Variants in WWC2 observed in about 807,000 individuals in gnomAD.
The protein encoded by WWC2 is protein WWC2.
In WWC2, 101 loss-of-function variants were observed where a neutral mutation model predicts 138.5. That is an observed-to-expected ratio of 0.73 (90% confidence interval 0.62 to 0.86). The LOEUF (loss-of-function observed/expected upper bound fraction) is 0.86. Among genes scored for constraint, WWC2 ranks in the 40% least tolerant of loss-of-function variants. The pLI, the probability that WWC2 is intolerant of heterozygous loss-of-function variation, is 0.00. For synonymous variants in WWC2, 558 were observed against 538.4 expected (o/e 1.04, Z -0.50); for missense variants, 1,420 against 1,419.4 (o/e 1.00, Z -0.01).
chr4:183,200,136 T>G (rs1172674257), intron 2 of WWC2, among the ~76,000 whole-genome samples: 1 of 152,148 alleles, frequency 6.6e-6, no homozygotes, highest in Non-Finnish European at 1.5e-5. Context: ...ATGCGGTGTT[T>G]AAACCAGTCT....
intron 1 of WWC2, among the ~76,000 whole-genome samples, chr4:183,122,874 G>A (rs946125059): frequency 1.3e-5 from 2 of 152,154 alleles, no homozygotes; most frequent in Admixed American, 6.5e-5. Flanking sequence ...AAAAGTAACA[G>A]CCAGTTCTCA....
Position 183,116,355 on chromosome 4 carries a change from A to T in WWC2, c.131+16733A>T, listed in dbSNP as rs548278427. ...AGGTATTGTGTCTGTCTTGTTCACT[A>T]CTGTATTCCAATGCTCAGCTTTGTG... On this transcript the variant is annotated intron_variant, in intron 1 of 22. Transcript: ENST00000403733. Among the ~76,000 whole-genome samples, 7 of 152,266 alleles carry T rather than the reference A, an allele frequency of 4.6e-5. No homozygotes were observed. In the East Asian group the frequency reaches 1.3e-3, roughly 29 times the overall value.
intron 21 of WWC2, among the ~76,000 whole-genome samples, chr4:183,295,245 T>G (rs983019946): frequency 1.3e-5 from 2 of 152,198 alleles, no homozygotes; most frequent in Non-Finnish European, 2.9e-5. Flanking sequence ...TTTCCTTTGG[T>G]ATTCCACTGC....
chr4:183,311,586 T>G (rs1579079082), intron 21 of WWC2, among the ~76,000 whole-genome samples: 1 of 144,606 alleles, frequency 6.9e-6, no homozygotes, highest in East Asian at 2.0e-4. Context: ...AGGTTTTTTT[T>G]TTTTTTTTTT....
chr4:183,121,323 C>T (rs56095982), intron 1 of WWC2, among the ~76,000 whole-genome samples: 3,728 of 150,638 alleles, frequency 0.025, 74 homozygotes, highest in Non-Finnish European at 0.037. Context: ...TGCTTGGGAC[C>T]GGAAGTGTTT....
intron 9 of WWC2, among the ~76,000 whole-genome samples, chr4:183,256,821 G>C (rs551667983): frequency 2.0e-5 from 3 of 149,520 alleles, no homozygotes. Context: ...AGTCATTGCT[G>C]AACGTTGGTG....
chr4:183,133,847 A>G (rs1326389275), intron 1 of WWC2, among the ~76,000 whole-genome samples: 2 of 152,186 alleles, frequency 1.3e-5, no homozygotes, highest in Non-Finnish European at 2.9e-5. Context: ...ACCATGATGA[A>G]ATGAATTGAG....
chr4:183,305,673 C>A (rs781241869), intron 21 of WWC2, among the ~76,000 whole-genome samples: 7 of 152,034 alleles, frequency 4.6e-5, no homozygotes, highest in Non-Finnish European at 1.0e-4. Context: ...CAAAATTATT[C>A]TTCAAAAGTG....
intron 1 of WWC2, among the ~76,000 whole-genome samples, chr4:183,124,581 C>A (rs1732702645): frequency 6.9e-6 from 1 of 145,724 alleles, no homozygotes; most frequent in Non-Finnish European, 1.5e-5. Flanking sequence ...AGCCACCATG[C>A]CCAGCTTGCA....
intron 2 of WWC2, among the ~76,000 whole-genome samples, chr4:183,206,447 C>G (rs1211222290): frequency 6.6e-6 from 1 of 152,136 alleles, no homozygotes; most frequent in Non-Finnish European, 1.5e-5. Flanking sequence ...GATCTTAAGT[C>G]ACAATACCAT....
At chr4:183,161,945 G>A (rs1733973003) in intron 1 of WWC2, among the ~76,000 whole-genome samples, 1 of 152,174 alleles carries the variant, frequency 6.6e-6, no homozygotes, top group South Asian at 2.1e-4. Context: ...TCATAGGAAC[G>A]TAGTGAGGGC....
intron 16 of WWC2, among the ~76,000 whole-genome samples, chr4:183,276,107 A>G (rs1737848143): frequency 6.6e-6 from 1 of 151,948 alleles, no homozygotes. Flanking sequence ...TTTAAAATCT[A>G]CTTTGTCTGG....
At chr4:183,214,520 C>T (rs1217531589) in intron 4 of WWC2, among the ~76,000 whole-genome samples, 5 of 151,968 alleles carry the variant, frequency 3.3e-5, no homozygotes, top group African/African-American at 1.2e-4. Flanking sequence ...TGGCCAGGCA[C>T]GGTGGCTCAT....
intron 21 of WWC2, among the ~76,000 whole-genome samples, chr4:183,297,738 C>T (rs546414580): frequency 3.9e-5 from 6 of 152,292 alleles, no homozygotes; most frequent in East Asian, 3.9e-4. Flanking sequence ...TCTACTGCTT[C>T]ACTAAGAGGG....
At chr4:183,206,815 G>A (rs1735460412) in intron 2 of WWC2, among the ~76,000 whole-genome samples, 2 of 152,214 alleles carry the variant, frequency 1.3e-5, no homozygotes, top group South Asian at 4.1e-4. Context: ...ATGCTGGACA[G>A]CAGTACACTC....
chr4:183,278,990 C>T (rs543308358), intron 16 of WWC2, among the ~76,000 whole-genome samples: 3 of 151,900 alleles, frequency 2.0e-5, no homozygotes, highest in African/African-American at 7.3e-5. Context: ...TGCCTAATTG[C>T]CCTGGCCAGA....
chr4:183,208,157 G>A lies in WWC2; in HGVS notation c.445+1G>A. ...GAAAAGTCAAGTTCTCACACAAGCT[G>A]TAAGTACAGTGTGGCTATTCAGACT... On this transcript the variant is annotated splice_donor_variant, in intron 3 of 22. Transcript: ENST00000403733. LOFTEE classifies it high-confidence loss of function. 1.9e-6 allele frequency: 3 copies of A among 1,613,400 alleles called. No homozygotes were observed. Among genetic ancestry groups the A allele is most frequent in the Non-Finnish European group, 2.5e-6 (3 of 1,179,582 alleles).
intron 1 of WWC2, among the ~76,000 whole-genome samples, chr4:183,129,115 A>G (rs1454022016): frequency 3.9e-5 from 6 of 152,218 alleles, no homozygotes; most frequent in Admixed American, 3.3e-4. Flanking sequence ...GCTTTTTACT[A>G]TGACACTATA....
At chr4:183,100,071 G>T (rs535728327) in intron 1 of WWC2, among the ~76,000 whole-genome samples, 3 of 152,360 alleles carry the variant, frequency 2.0e-5, no homozygotes, top group African/African-American at 7.2e-5. Context: ...TGGCGCGGGA[G>T]CCTGGGCTGC....
Sources: gnomAD v4.1 joint callset for allele counts (sites outside exome capture counted in the v4.1 genomes callset) on GRCh38, gnomAD v4.1.1 for gene constraint, MANE v1.5 for transcripts, NCBI Gene and HGNC (gene_info 2026-07-23, HGNC 2026-07-21) for gene names.